NRG3: variants seen among roughly 807,000 people sequenced by gnomAD.
The protein encoded by NRG3 is pro-neuregulin-3, membrane-bound isoform.
In NRG3, 31 loss-of-function variants were observed where a neutral mutation model predicts 66.9. The ratio of observed to expected loss-of-function variants is 0.46; its 90% CI spans 0.35 to 0.63. The LOEUF is 0.63. NRG3 is among the 20% of genes least tolerant of loss of function. NRG3 has a pLI of 0.00. For missense variants in NRG3, 910 were observed against 878.9 expected (o/e 1.04, Z -0.45); for synonymous variants, 393 against 359.4 (o/e 1.09, Z -1.06).
intron 2 of NRG3, among the ~76,000 whole-genome samples, chr10:82,484,869 A>G (rs1448899379): frequency 1.1e-4 from 16 of 152,134 alleles, no homozygotes. Context: ...GAGAACAGTA[A>G]TGTCTTGTCC....
At chr10:82,742,470 T>C (rs1357654541) in intron 3 of NRG3, among the ~76,000 whole-genome samples, 2 of 152,086 alleles carry the variant, frequency 1.3e-5, no homozygotes, top group Non-Finnish European at 2.9e-5. Context: ...ATAAAGTGTG[T>C]CAGTGACAGT....
chr10:82,284,527 A>G (rs1347888175), intron 1 of NRG3, among the ~76,000 whole-genome samples: 3 of 152,202 alleles, frequency 2.0e-5, no homozygotes, highest in East Asian at 1.9e-4. Context: ...GCATTCAGAT[A>G]AATCCATTTT....
intron 1 of NRG3, among the ~76,000 whole-genome samples, chr10:81,927,905 C>A (rs144122368): frequency 1.5e-4 from 23 of 152,206 alleles, no homozygotes; most frequent in African/African-American, 4.3e-4. Flanking sequence ...GATCTTAAGA[C>A]TGAGAAAACA....
chr10:82,710,774 C>T (rs1306981962), intron 2 of NRG3, among the ~76,000 whole-genome samples: 3 of 150,192 alleles, frequency 2.0e-5, no homozygotes, highest in Admixed American at 6.6e-5. Flanking sequence ...TGGCTGTTTA[C>T]CTGTTAATGG....
chr10:82,143,680 G>T (rs1431046125), intron 1 of NRG3, among the ~76,000 whole-genome samples: 1 of 152,146 alleles, frequency 6.6e-6, no homozygotes, highest in East Asian at 1.9e-4. Context: ...TTAGTTTATT[G>T]TCTGTATAAA....
intron 1 of NRG3, among the ~76,000 whole-genome samples, chr10:82,140,487 T>C (rs1429839243): frequency 6.6e-6 from 1 of 152,324 alleles, no homozygotes; most frequent in East Asian, 1.9e-4. Flanking sequence ...TGTTTGGCAA[T>C]GGCATTTTAT....
intron 2 of NRG3, among the ~76,000 whole-genome samples, chr10:82,575,336 A>G (rs2045968522): frequency 1.3e-5 from 2 of 151,762 alleles, no homozygotes; most frequent in African/African-American, 4.8e-5. Flanking sequence ...AAAAAAGAAG[A>G]AAAAAAGAAA....
chr10:82,170,869 TAGG>T (rs1264472771), intron 1 of NRG3, among the ~76,000 whole-genome samples: 2 of 150,978 alleles, frequency 1.3e-5, no homozygotes, highest in Non-Finnish European at 3.0e-5. Flanking sequence ...AATCAGAAGG[TAGG>T]AGAAGTCATA....
At chr10:81,893,280 AT>A (rs1328591766) in intron 1 of NRG3, among the ~76,000 whole-genome samples, 2 of 152,048 alleles carry the variant, frequency 1.3e-5, no homozygotes, top group African/African-American at 4.8e-5. Flanking sequence ...ATGTTACAAT[AT>A]TTTTCTGTCA....
intron 2 of NRG3, among the ~76,000 whole-genome samples, chr10:82,525,183 T>A (rs1033847431): frequency 6.6e-6 from 1 of 151,842 alleles, no homozygotes; most frequent in Non-Finnish European, 1.5e-5. Flanking sequence ...GGAATTATCA[T>A]TACAAAACTG....
chr10:81,958,627 G>T (rs1442835264), intron 1 of NRG3, among the ~76,000 whole-genome samples: 2 of 152,204 alleles, frequency 1.3e-5, no homozygotes, highest in Non-Finnish European at 2.9e-5. Flanking sequence ...TACAGGCTGG[G>T]CATGGTGGCT....
chr10:82,287,869 C>A (rs889142305), intron 1 of NRG3, among the ~76,000 whole-genome samples: 2 of 152,140 alleles, frequency 1.3e-5, no homozygotes, highest in African/African-American at 4.8e-5. Context: ...AGACATGGTT[C>A]CTCCCTCAGG....
intron 1 of NRG3, among the ~76,000 whole-genome samples, chr10:82,148,705 T>C (rs989257471): frequency 1.3e-5 from 2 of 152,186 alleles, no homozygotes; most frequent in African/African-American, 4.8e-5. Flanking sequence ...TTGATGATAC[T>C]GATTCTCACC....
intron 3 of NRG3, among the ~76,000 whole-genome samples, chr10:82,766,143 A>C (rs890350581): frequency 6.6e-6 from 1 of 152,160 alleles, no homozygotes. Context: ...TGCTAAAAGT[A>C]GTTATTTTGA....
At chr10:82,305,474 A>G (rs1564773566) in intron 1 of NRG3, among the ~76,000 whole-genome samples, 1 of 152,212 alleles carries the variant, frequency 6.6e-6, no homozygotes, top group East Asian at 1.9e-4. Context: ...GATAAGATAT[A>G]CATGTTAACT....
intron 1 of NRG3, among the ~76,000 whole-genome samples, chr10:82,098,059 A>G (rs903873107): frequency 5.8e-5 from 6 of 103,510 alleles, no homozygotes; most frequent in Non-Finnish European, 1.8e-5. Context: ...ATATATACAC[A>G]CACACACACA....
chr10:81,935,958 T>C (rs756437135), intron 1 of NRG3, among the ~76,000 whole-genome samples: 4 of 151,412 alleles, frequency 2.6e-5, no homozygotes, highest in Non-Finnish European at 4.4e-5. Flanking sequence ...AAATGTCAGC[T>C]CTCTGGGGGG....
chr10:81,989,681 T>TA (rs2060662344), intron 1 of NRG3, among the ~76,000 whole-genome samples: 1 of 152,148 alleles, frequency 6.6e-6, no homozygotes, highest in Non-Finnish European at 1.5e-5. Context: ...TTTGAGGTCA[T>TA]AGGAGCCCAG....
chr10:81,915,283 G>C (rs546067392), intron 1 of NRG3, among the ~76,000 whole-genome samples: 2 of 152,268 alleles, frequency 1.3e-5, no homozygotes, highest in Non-Finnish European at 2.9e-5. Context: ...GTTGGATTGT[G>C]CTTGATATTC....
Sources: allele counts gnomAD v4.1 joint callset (sites outside exome capture counted in the v4.1 genomes callset), GRCh38; gene constraint gnomAD v4.1.1; transcripts MANE v1.5; gene names NCBI Gene and HGNC (gene_info 2026-07-23, HGNC 2026-07-21).